Variants in MLLT3 observed in about 807,000 individuals in gnomAD.
The protein encoded by MLLT3 is protein AF-9.
In MLLT3, 4 loss-of-function variants were observed where a neutral mutation model predicts 53.2. That is an observed-to-expected ratio of 0.08 (90% confidence interval 0.04 to 0.17). MLLT3 has a LOEUF of 0.17. Among genes scored for constraint, MLLT3 ranks in the 10% least tolerant of loss-of-function variants. The pLI, the probability that MLLT3 is intolerant of heterozygous loss-of-function variation, is 1.00. For missense variants in MLLT3, 569 were observed against 684.0 expected (o/e 0.83, Z 1.87); for synonymous variants, 283 against 230.6 (o/e 1.23, Z -2.06).
At chr9:20,368,700 T>C (rs1205397828) in intron 5 of MLLT3, among the ~76,000 whole-genome samples, 8 of 152,048 alleles carry the variant, frequency 5.3e-5, no homozygotes, top group Non-Finnish European at 7.4e-5. Flanking sequence ...AACCCACAAA[T>C]AGGAACATAA....
At chr9:20,422,454 G>C (rs1377855891) in intron 4 of MLLT3, among the ~76,000 whole-genome samples, 1 of 152,044 alleles carries the variant, frequency 6.6e-6, no homozygotes, top group East Asian at 1.9e-4. Context: ...AATTTACCCA[G>C]ATCTGTAAAA....
At chr9:20,415,415 A>AG (rs1822846351) in intron 4 of MLLT3, 1 of 935,160 alleles carries the variant, frequency 1.1e-6, no homozygotes, top group Non-Finnish European at 1.3e-6. Flanking sequence ...GTTTAGGAAC[A>AG]AAATCTAAGT....
chr9:20,429,560 G>GA (rs1823218731), intron 4 of MLLT3, among the ~76,000 whole-genome samples: 1 of 151,916 alleles, frequency 6.6e-6, no homozygotes, highest in South Asian at 2.1e-4. Flanking sequence ...GGAAAAAAAG[G>GA]AAAAAAATCT....
chr9:20,607,896 T>TG (rs1434458468), intron 2 of MLLT3, among the ~76,000 whole-genome samples: 1 of 152,036 alleles, frequency 6.6e-6, no homozygotes, highest in Admixed American at 6.6e-5. Context: ...TTCATATCAA[T>TG]CTGCATTGTA....
chr9:20,563,050 G>C (rs1819255918), intron 2 of MLLT3, among the ~76,000 whole-genome samples: 1 of 152,082 alleles, frequency 6.6e-6, no homozygotes, highest in African/African-American at 2.4e-5. Flanking sequence ...CATAAACCTG[G>C]AGCTAAGAGC....
intron 2 of MLLT3, among the ~76,000 whole-genome samples, chr9:20,584,017 C>T (rs1041751982): frequency 5.3e-5 from 8 of 152,188 alleles, no homozygotes; most frequent in African/African-American, 1.9e-4. Flanking sequence ...TGCTCTGCTT[C>T]CCTTTTAAAA....
chr9:20,399,192 G>T (rs1005163931), intron 5 of MLLT3, among the ~76,000 whole-genome samples: 4 of 152,060 alleles, frequency 2.6e-5, no homozygotes, highest in Non-Finnish European at 5.9e-5. Flanking sequence ...GACCTGTCTA[G>T]TCCACCTCCA....
chr9:20,346,664 A>G, intron 10 of MLLT3, 90 bp from the exon 11 acceptor site: 1 of 1,242,940 alleles, frequency 8.0e-7, no homozygotes, highest in Non-Finnish European at 1.1e-6. Flanking sequence ...CAAATATGGA[A>G]TCAAGTGATA....
chr9:20,587,161 T>C (rs558559440), intron 2 of MLLT3, among the ~76,000 whole-genome samples: 14 of 143,072 alleles, frequency 9.8e-5, no homozygotes, highest in South Asian at 4.6e-4. Flanking sequence ...TTTGCATATT[T>C]CCAACAGATA....
At chr9:20,563,964 A>T (rs1819285011) in intron 2 of MLLT3, among the ~76,000 whole-genome samples, 1 of 152,202 alleles carries the variant, frequency 6.6e-6, no homozygotes, top group South Asian at 2.1e-4. Flanking sequence ...TCAGGATAGA[A>T]ATCCATTTGG....
At chr9:20,594,785 C>T (rs1169154012) in intron 2 of MLLT3, among the ~76,000 whole-genome samples, 1 of 152,128 alleles carries the variant, frequency 6.6e-6, no homozygotes, top group Non-Finnish European at 1.5e-5. Context: ...TGGTAAAAGA[C>T]ACTCCCACCA....
At chr9:20,413,618 T>C (rs1822785760) in intron 5 of MLLT3, 103 bp downstream of exon 5, 1 of 986,212 alleles carries the variant, frequency 1.0e-6, no homozygotes, top group Non-Finnish European at 1.5e-6. Flanking sequence ...GCTACCATTT[T>C]ATGGCTCAGC....
chr9:20,501,392 C>T (rs983399179), intron 2 of MLLT3, among the ~76,000 whole-genome samples: 11 of 152,270 alleles, frequency 7.2e-5, no homozygotes, highest in Admixed American at 2.6e-4. Context: ...GACAAATTTA[C>T]CAACAACCAT....
intron 3 of MLLT3, among the ~76,000 whole-genome samples, chr9:20,451,913 TG>T (rs1455106760): frequency 6.6e-6 from 1 of 152,198 alleles, no homozygotes; most frequent in Non-Finnish European, 1.5e-5. Flanking sequence ...AGGGTTGTTT[TG>T]TTGAGCACAA....
chr9:20,560,221 A>G (rs1400872111), intron 2 of MLLT3, among the ~76,000 whole-genome samples: 1 of 152,190 alleles, frequency 6.6e-6, no homozygotes, highest in African/African-American at 2.4e-5. Flanking sequence ...GTGAAGAAAA[A>G]AAAATCAGAA....
intron 2 of MLLT3, among the ~76,000 whole-genome samples, chr9:20,463,281 TG>T (rs535496818): frequency 0.014 from 2,021 of 147,034 alleles, 48 homozygotes; most frequent in African/African-American, 0.045. Flanking sequence ...TTCAAGGGGG[TG>T]GGGGGGAGGA....
chr9:20,353,895 A>G (rs1364140042), intron 9 of MLLT3, among the ~76,000 whole-genome samples: 1 of 152,242 alleles, frequency 6.6e-6, no homozygotes, highest in Non-Finnish European at 1.5e-5. Context: ...TATCTCTACA[A>G]AAGGTAGGGA....
At chr9:20,354,172 G>A (rs554856657) in intron 9 of MLLT3, among the ~76,000 whole-genome samples, 54 of 152,146 alleles carry the variant, frequency 3.5e-4, no homozygotes, top group Non-Finnish European at 5.4e-4. Flanking sequence ...AATGTATTAC[G>A]AAAAACAGGG....
At chr9:20,368,684 C>A (rs765317789) in intron 5 of MLLT3, among the ~76,000 whole-genome samples, 2 of 152,090 alleles carry the variant, frequency 1.3e-5, no homozygotes, top group Non-Finnish European at 2.9e-5. Context: ...TTGCTGATCA[C>A]CAAAAAACCC....
Sources: gnomAD v4.1 joint callset for allele counts (sites outside exome capture counted in the v4.1 genomes callset) on GRCh38, gnomAD v4.1.1 for gene constraint, MANE v1.5 for transcripts, NCBI Gene and HGNC (gene_info 2026-07-23, HGNC 2026-07-21) for gene names.